SEMA3E: variants seen among roughly 807,000 people sequenced by gnomAD.
The protein encoded by SEMA3E is semaphorin 3E.
SEMA3E carries 49 observed loss-of-function variants against 93.6 expected under a neutral mutation model. That is an observed-to-expected ratio of 0.52 (90% CI 0.42 to 0.66). The LOEUF is 0.66. Among genes scored for constraint, SEMA3E ranks in the 30% least tolerant of loss-of-function variants. The pLI, the probability that SEMA3E is intolerant of heterozygous loss-of-function variation, is 0.00. For synonymous variants in SEMA3E, 363 were observed against 330.7 expected (o/e 1.10, Z -1.06); for missense variants, 906 against 964.8 (o/e 0.94, Z 0.81).
intron 4 of SEMA3E, among the ~76,000 whole-genome samples, chr7:83,451,655 CTG>C (rs1789361556): frequency 6.6e-6 from 1 of 152,182 alleles, no homozygotes; most frequent in Admixed American, 6.5e-5. Flanking sequence ...TTGACAGAAA[CTG>C]TGGAATACTG....
intron 4 of SEMA3E, among the ~76,000 whole-genome samples, chr7:83,426,880 C>T (rs927507402): frequency 1.3e-5 from 2 of 151,954 alleles, no homozygotes; most frequent in African/African-American, 2.4e-5. Flanking sequence ...TCTAGTTGTT[C>T]TAGACACATT....
rs1447795670 is a variant in SEMA3E at position 83,364,145 on chromosome 7, C to T, written c.*3441G>A. ...TCCTGACCTCATGATCCACCCGCCT[C>T]GGCCTCCCAAAGTGCTGGGATTACA... On this transcript the variant is annotated 3_prime_UTR_variant, in exon 17 of 17. Coordinates refer to ENST00000643230, the MANE Select transcript of SEMA3E (RefSeq NM_012431.3). 3.3e-5 allele frequency: 5 copies of T among 151,792 alleles called. No homozygotes were observed. Among genetic ancestry groups the T allele is most frequent in the African/African-American group, 9.7e-5 (4 of 41,314 alleles). The allele number at this position is 151,792 out of a possible 1,614,324, so 9.4% of individuals were successfully genotyped here.
At chr7:83,632,463 G>C (rs1461348130) in intron 1 of SEMA3E, among the ~76,000 whole-genome samples, 2 of 152,086 alleles carry the variant, frequency 1.3e-5, no homozygotes, top group Non-Finnish European at 2.9e-5. Context: ...TGCTGTTCTT[G>C]TGATAGTGAA....
chr7:83,441,191 G>T (rs888227936), intron 4 of SEMA3E, among the ~76,000 whole-genome samples: 1 of 152,176 alleles, frequency 6.6e-6, no homozygotes, highest in Non-Finnish European at 1.5e-5. Flanking sequence ...CAGCCAAAAG[G>T]ATTCTGCTAC....
intron 1 of SEMA3E, among the ~76,000 whole-genome samples, chr7:83,494,693 C>G (rs1013894128): frequency 6.6e-6 from 1 of 151,898 alleles, no homozygotes; most frequent in African/African-American, 2.4e-5. Flanking sequence ...TTAATGCCAC[C>G]GCTTCACTGT....
chr7:83,393,052 A>AAAG (rs1554318896), intron 13 of SEMA3E, among the ~76,000 whole-genome samples: 14 of 151,500 alleles, frequency 9.2e-5, no homozygotes. Context: ...AAAAAAAAAA[A>AAAG]AAAAATTATA....
intron 1 of SEMA3E, among the ~76,000 whole-genome samples, chr7:83,630,318 C>A (rs1793760633): frequency 6.6e-6 from 1 of 152,138 alleles, no homozygotes. Flanking sequence ...AGGAATGTAT[C>A]TTTTATTTCT....
intron 1 of SEMA3E, among the ~76,000 whole-genome samples, chr7:83,529,179 T>C (rs1162611469): frequency 6.6e-6 from 1 of 152,142 alleles, no homozygotes; most frequent in Non-Finnish European, 1.5e-5. Flanking sequence ...GAAAATTACA[T>C]GCTTGATAAA....
intron 1 of SEMA3E, among the ~76,000 whole-genome samples, chr7:83,599,365 T>C (rs918473548): frequency 2.0e-5 from 3 of 152,186 alleles, no homozygotes; most frequent in African/African-American, 7.2e-5. Flanking sequence ...CAAAACTTCC[T>C]ATGTGAATAT....
chr7:83,607,364 A>G (rs73380787), intron 1 of SEMA3E, among the ~76,000 whole-genome samples: 1,940 of 152,230 alleles, frequency 0.013, 44 homozygotes, highest in African/African-American at 0.044. Flanking sequence ...CTCACTGAGC[A>G]TGTTCTTTAC....
chr7:83,368,574 G>A (rs1378193426), intron 16 of SEMA3E, among the ~76,000 whole-genome samples: 1 of 152,088 alleles, frequency 6.6e-6, no homozygotes, highest in African/African-American at 2.4e-5. Context: ...AAATTCATCA[G>A]TTAATCAGTT....
intron 4 of SEMA3E, among the ~76,000 whole-genome samples, chr7:83,447,493 A>G (rs1382758006): frequency 6.6e-6 from 1 of 152,186 alleles, no homozygotes; most frequent in African/African-American, 2.4e-5. Context: ...AGCCGAGATC[A>G]TGCCACTGCA....
intron 1 of SEMA3E, among the ~76,000 whole-genome samples, chr7:83,596,594 A>G (rs1277680883): frequency 2.0e-5 from 3 of 152,100 alleles, no homozygotes; most frequent in Non-Finnish European, 4.4e-5. Flanking sequence ...AAAATAATCT[A>G]GGAATCCTGG....
intron 12 of SEMA3E, 43 bp from the exon 13 acceptor site, chr7:83,394,381 A>T: frequency 6.6e-7 from 1 of 1,520,058 alleles, no homozygotes; most frequent in Non-Finnish European, 9.1e-7. Flanking sequence ...AAACAGTATA[A>T]AAACATTTAC....
intron 4 of SEMA3E, among the ~76,000 whole-genome samples, chr7:83,441,684 C>T (rs915688602): frequency 1.3e-5 from 2 of 152,096 alleles, no homozygotes; most frequent in African/African-American, 4.8e-5. Flanking sequence ...GACACTGAGC[C>T]ACCATCAGAA....
At chr7:83,574,370 T>G (rs1721361066) in intron 1 of SEMA3E, among the ~76,000 whole-genome samples, 1 of 152,000 alleles carries the variant, frequency 6.6e-6, no homozygotes, top group Non-Finnish European at 1.5e-5. Context: ...AGAGAAATCT[T>G]TGTTATGAAG....
chr7:83,366,222 G>A lies in SEMA3E; in HGVS notation c.*1364C>T, dbSNP rs1057004216. On this transcript the variant is annotated 3_prime_UTR_variant, in exon 17 of 17. Transcript: ENST00000643230. ...TAAATGTTCATAATGGTTCTCCTGT[G>A]TAATCCACTTGCTTTCAATTTTTAT... 6.6e-6 allele frequency: 1 copy of A among 152,006 alleles called. No individual in the cohort carries two copies. The highest frequency in any genetic ancestry group is 2.4e-5 in the African/African-American group (1 of 41,432). 9.4% of individuals were successfully genotyped at this position (152,006 alleles called of 1,614,324 possible).
intron 4 of SEMA3E, among the ~76,000 whole-genome samples, chr7:83,430,666 C>T (rs189340849): frequency 1.3e-5 from 2 of 151,978 alleles, no homozygotes; most frequent in East Asian, 1.9e-4. Flanking sequence ...CATCACACAC[C>T]GGGGCCTGTC....
intron 11 of SEMA3E, among the ~76,000 whole-genome samples, chr7:83,399,122 T>C (rs1278293619): frequency 6.6e-6 from 1 of 152,200 alleles, no homozygotes; most frequent in Non-Finnish European, 1.5e-5. Context: ...ATTAAAGTCA[T>C]GTATGTTAGA....
Sources: gnomAD v4.1 joint callset for allele counts (sites outside exome capture counted in the v4.1 genomes callset) on GRCh38, gnomAD v4.1.1 for gene constraint, MANE v1.5 for transcripts, NCBI Gene and HGNC (gene_info 2026-07-23, HGNC 2026-07-21) for gene names.